PCDHA3: variants seen among roughly 807,000 people sequenced by gnomAD.
PCDHA3 encodes the protein protocadherin alpha 3.
In PCDHA3, 41 loss-of-function variants were observed where a neutral mutation model predicts 62.2. That is an observed-to-expected ratio of 0.66 (90% CI 0.51 to 0.86). The LOEUF (loss-of-function observed/expected upper bound fraction) is 0.86, where lower values mean the gene tolerates loss of function less well. Ranked by LOEUF, PCDHA3 falls within the 40% of genes least tolerant of loss-of-function variation. The pLI, the probability that PCDHA3 is intolerant of heterozygous loss-of-function variation, is 0.00. For missense variants in PCDHA3, 1,304 were observed against 1,241.2 expected, an observed-to-expected ratio of 1.05 and a Z score of -0.76; for synonymous variants, 640 against 555.4, an observed-to-expected ratio of 1.15 and a Z score of -2.14.
At chr5:140,967,174 G>A (rs1554229282) in intron 1 of PCDHA3, 1 of 1,611,892 alleles carries the variant, frequency 6.2e-7, no homozygotes, top group Non-Finnish European at 8.5e-7. Flanking sequence ...CCGTTGAGGT[G>A]GAAATATTGG....
intron 3 of PCDHA3, among the ~76,000 whole-genome samples, chr5:140,987,919 A>G (rs1441531471): frequency 1.3e-5 from 2 of 152,082 alleles, no homozygotes; most frequent in East Asian, 3.9e-4. Context: ...TATATTCTTA[A>G]TTGTCTCAAG....
chr5:140,969,587 T>G, intron 1 of PCDHA3: 1 of 850,882 alleles, frequency 1.2e-6, no homozygotes, highest in Non-Finnish European at 1.8e-6. Context: ...AGGATTAGTC[T>G]TAATATTTAA....
At chr5:140,857,667 G>T (rs375722457) in intron 1 of PCDHA3, 10 of 1,596,922 alleles carry the variant, frequency 6.3e-6, no homozygotes, top group East Asian at 4.5e-5. Flanking sequence ...CGCGATGGGG[G>T]CGTGCCGCCT....
At chr5:140,896,226 T>C (rs1554186874) in intron 1 of PCDHA3, among the ~76,000 whole-genome samples, 1 of 152,242 alleles carries the variant, frequency 6.6e-6, no homozygotes, top group Non-Finnish European at 1.5e-5. Flanking sequence ...GTCTTTATAG[T>C]AGAATGACTT....
chr5:140,990,157 T>C (rs113813870), intron 3 of PCDHA3, among the ~76,000 whole-genome samples: 6 of 152,050 alleles, frequency 3.9e-5, no homozygotes, highest in African/African-American at 1.2e-4. Flanking sequence ...AATAGAAAGT[T>C]AGGGTATGAA....
rs144848413 is a variant in PCDHA3 at position 140,843,473 on chromosome 5, T to C, written c.2394+39882T>C. 4.9e-4 allele frequency: 775 copies of C among 1,595,974 alleles called. 42 individuals carry two copies. The African/African-American group carries it at 8.9e-3, about 18-fold the overall frequency. On this transcript the variant is annotated intron_variant, in intron 1 of 3. Coordinates refer to ENST00000522353, the MANE Select transcript of PCDHA3 (RefSeq NM_018906.3). ...CCTGCTGGTGCTCACGCTGCTGCTG[T>C]ACACTGCGCTGCGGTGCTCAGCACT...
chr5:140,818,720 C>G (rs2150102201), intron 1 of PCDHA3, among the ~76,000 whole-genome samples: 1 of 152,242 alleles, frequency 6.6e-6, no homozygotes, highest in African/African-American at 2.4e-5. Flanking sequence ...CACCTGTGGT[C>G]CCAGCTACTT....
In PCDHA3 at chr5:140,858,494, C is replaced by T. The variant is rs1451749220; in HGVS notation, c.2394+54903C>T. 40 of 1,482,664 alleles carry T rather than the reference C, an allele frequency of 2.7e-5. 3 individuals carry two copies. In the Middle Eastern group the frequency reaches 5.1e-4, roughly 19 times the overall value. 91.8% of individuals were successfully genotyped at this position (1,482,664 alleles called of 1,614,324 possible). A position where few individuals can be genotyped will look rare whatever the true frequency, so the allele number is the denominator to read the frequency against. On this transcript the variant is annotated intron_variant, in intron 1 of 3. Transcript: ENST00000522353. Reference sequence around the variant, plus strand: ...CTTTATGAATAATATTTTCTCTTACCGCATTTTCTCAAATATGTATCAGAA... The same window carrying T: ...CTTTATGAATAATATTTTCTCTTACTGCATTTTCTCAAATATGTATCAGAA...
chr5:140,966,022 T>G (rs2095958244), intron 1 of PCDHA3, among the ~76,000 whole-genome samples: 1 of 151,842 alleles, frequency 6.6e-6, no homozygotes, highest in South Asian at 2.1e-4. Flanking sequence ...GATGTGGGAG[T>G]CAGGTGAATA....
intron 1 of PCDHA3, chr5:140,865,693 C>T (rs1274401482): frequency 6.6e-6 from 1 of 152,076 alleles, no homozygotes; most frequent in South Asian, 2.1e-4. Context: ...TATGACTGTT[C>T]CAATTTGAAA....
intron 1 of PCDHA3, chr5:140,843,517 C>CCGGG (rs2150361691): frequency 1.3e-6 from 2 of 1,595,932 alleles, no homozygotes; most frequent in African/African-American, 2.7e-5. Flanking sequence ...AGGGCGGGTG[C>CCGGG]CGGGCGGGCA....
At chr5:140,817,691 T>C (rs114557138) in intron 1 of PCDHA3, 1 of 152,354 alleles carries the variant, frequency 6.6e-6, no homozygotes, top group Non-Finnish European at 1.5e-5. Flanking sequence ...AGACACACAG[T>C]ACATTATTAT....
At chr5:140,974,377 A>G (rs1356669539) in intron 1 of PCDHA3, among the ~76,000 whole-genome samples, 1 of 152,190 alleles carries the variant, frequency 6.6e-6, no homozygotes, top group Non-Finnish European at 1.5e-5. Flanking sequence ...TTTCTGTTGT[A>G]CTGGAACCCA....
intron 1 of PCDHA3, chr5:140,930,401 T>G (rs1554207785): frequency 6.6e-6 from 1 of 152,210 alleles, no homozygotes; most frequent in African/African-American, 2.4e-5. Context: ...TTCTTTTTTT[T>G]TTTTGAGACA....
At chr5:140,828,290 G>C (rs1554131172) in intron 1 of PCDHA3, 2 of 1,614,002 alleles carry the variant, frequency 1.2e-6, no homozygotes, top group African/African-American at 1.3e-5. Context: ...GTTCAGGATG[G>C]CCTCCAAAGA....
At chr5:140,999,004 A>T (rs2097842745) in intron 3 of PCDHA3, among the ~76,000 whole-genome samples, 1 of 152,258 alleles carries the variant, frequency 6.6e-6, no homozygotes, top group South Asian at 2.1e-4. Flanking sequence ...GCTGGAGCTG[A>T]GATTTGAACC....
intron 3 of PCDHA3, 48 bp from the exon 4 acceptor site, chr5:141,009,579 A>T: frequency 6.3e-7 from 1 of 1,586,202 alleles, no homozygotes; most frequent in Non-Finnish European, 8.6e-7. Context: ...TGTGGCATCA[A>T]GAGCATGTGT....
At chr5:140,966,962 G>T (rs370831122) in intron 1 of PCDHA3, 4 of 1,602,632 alleles carry the variant, frequency 2.5e-6, no homozygotes, top group Non-Finnish European at 3.4e-6. Context: ...TCGCGCGCTG[G>T]GGCTTGAGCT....
intron 1 of PCDHA3, among the ~76,000 whole-genome samples, chr5:140,881,835 G>A (rs1048266615): frequency 2.6e-5 from 4 of 152,124 alleles, no homozygotes; most frequent in Non-Finnish European, 5.9e-5. Context: ...AGTTCTGCAT[G>A]GAATTCTTAC....
Sources: gnomAD v4.1 joint callset for allele counts (sites outside exome capture counted in the v4.1 genomes callset) on GRCh38, gnomAD v4.1.1 for gene constraint, MANE v1.5 for transcripts, NCBI Gene and HGNC (gene_info 2026-07-23, HGNC 2026-07-21) for gene names.